PTPRD: variants seen among roughly 807,000 people sequenced by gnomAD.
PTPRD encodes receptor-type tyrosine-protein phosphatase delta.
Under a neutral mutation model 214.5 loss-of-function variants are expected in PTPRD, and 34 were observed. The ratio of observed to expected loss-of-function variants is 0.16; its 90% confidence interval spans 0.12 to 0.21. PTPRD has a LOEUF of 0.21. Ranked by LOEUF, PTPRD falls within the 10% of genes least tolerant of loss-of-function variation. The pLI is 1.00. For synonymous variants in PTPRD, 1,128 were observed against 845.7 expected (o/e 1.33, Z -5.79); for missense variants, 2,545 against 2,398.7 (o/e 1.06, Z -1.27).
intron 3 of PTPRD, among the ~76,000 whole-genome samples, chr9:10,210,438 T>C (rs2154340965): frequency 6.6e-6 from 1 of 152,084 alleles, no homozygotes; most frequent in East Asian, 1.9e-4. Flanking sequence ...TAAGGTAGCA[T>C]CTTGTAGACA....
intron 5 of PTPRD, among the ~76,000 whole-genome samples, chr9:9,890,271 C>T (rs2072776584): frequency 6.6e-6 from 1 of 151,972 alleles, no homozygotes; most frequent in African/African-American, 2.4e-5. Context: ...GATCCTGGCT[C>T]ACTGTAGCCT....
At chr9:10,214,861 C>T (rs1342494773) in intron 3 of PTPRD, among the ~76,000 whole-genome samples, 1 of 152,060 alleles carries the variant, frequency 6.6e-6, no homozygotes, top group Non-Finnish European at 1.5e-5. Context: ...GGTGCTCTCA[C>T]ATTGTACATG....
intron 8 of PTPRD, among the ~76,000 whole-genome samples, chr9:9,510,350 T>C (rs2096670851): frequency 6.6e-6 from 1 of 151,728 alleles, no homozygotes; most frequent in African/African-American, 2.4e-5. Flanking sequence ...CTTATTCTTT[T>C]AGTTTTTATC....
chr9:8,635,512 C>T (rs2096402027), intron 13 of PTPRD, among the ~76,000 whole-genome samples: 1 of 152,098 alleles, frequency 6.6e-6, no homozygotes, highest in African/African-American at 2.4e-5. Context: ...TTGTAAACTA[C>T]AACCCAATTT....
intron 5 of PTPRD, among the ~76,000 whole-genome samples, chr9:9,794,776 T>C (rs1431809350): frequency 1.3e-5 from 2 of 152,230 alleles, no homozygotes; most frequent in Non-Finnish European, 2.9e-5. Context: ...TAACTCAAAC[T>C]GAGTATCTCT....
At chr9:9,033,464 C>G (rs1461287540) in intron 10 of PTPRD, among the ~76,000 whole-genome samples, 2 of 152,170 alleles carry the variant, frequency 1.3e-5, no homozygotes, top group East Asian at 3.9e-4. Context: ...CCAGCTTTAT[C>G]AGAAGAACAT....
At chr9:9,960,786 C>T (rs1237267530) in intron 4 of PTPRD, among the ~76,000 whole-genome samples, 1 of 151,990 alleles carries the variant, frequency 6.6e-6, no homozygotes, top group Non-Finnish European at 1.5e-5. Flanking sequence ...AATGTAATAT[C>T]CATGAACATT....
chr9:10,165,544 C>G (rs1469948447), intron 3 of PTPRD, among the ~76,000 whole-genome samples: 1 of 151,536 alleles, frequency 6.6e-6, no homozygotes, highest in East Asian at 1.9e-4. Flanking sequence ...TTATATATGA[C>G]AATACGGCTA....
intron 10 of PTPRD, among the ~76,000 whole-genome samples, chr9:9,114,271 G>C (rs892126148): frequency 6.6e-6 from 1 of 152,124 alleles, no homozygotes; most frequent in Non-Finnish European, 1.5e-5. Context: ...GTTGAAACGA[G>C]GGCACTTATG....
intron 34 of PTPRD, chr9:8,437,105 A>G: frequency 2.3e-6 from 2 of 868,684 alleles, no homozygotes; most frequent in South Asian, 3.4e-5. Flanking sequence ...AAAGTGAAAT[A>G]AGAAAACAGA....
chr9:10,389,443 C>T (rs943139390), intron 2 of PTPRD, among the ~76,000 whole-genome samples: 5 of 151,872 alleles, frequency 3.3e-5, no homozygotes, highest in African/African-American at 1.2e-4. Flanking sequence ...AACATTTACA[C>T]TGGTCAATGC....
At chr9:8,702,780 TG>T (rs1412827426) in intron 12 of PTPRD, among the ~76,000 whole-genome samples, 1 of 152,174 alleles carries the variant, frequency 6.6e-6, no homozygotes, top group Non-Finnish European at 1.5e-5. Flanking sequence ...GCGAATTTTT[TG>T]TATTTTTAGT....
At chr9:8,753,431 C>A (rs1180238799) in intron 11 of PTPRD, among the ~76,000 whole-genome samples, 2 of 152,186 alleles carry the variant, frequency 1.3e-5, no homozygotes, top group Admixed American at 6.5e-5. Flanking sequence ...AGGGTTGATA[C>A]TTTAAAAGCA....
At chr9:9,358,074 A>C (rs769413971) in intron 9 of PTPRD, among the ~76,000 whole-genome samples, 4 of 151,300 alleles carry the variant, frequency 2.6e-5, no homozygotes, top group Non-Finnish European at 5.9e-5. Context: ...TTTTACAAGC[A>C]AGAAATTAAA....
At chr9:10,266,921 T>G (rs146522185) in intron 3 of PTPRD, among the ~76,000 whole-genome samples, 1 of 151,958 alleles carries the variant, frequency 6.6e-6, no homozygotes, top group Non-Finnish European at 1.5e-5. Flanking sequence ...TTGGGCATGG[T>G]GGCTCACATC....
chr9:10,122,837 C>G lies in PTPRD; in HGVS notation c.-544-89047G>C, dbSNP rs535628556. 4.1e-4 allele frequency among the ~76,000 whole-genome samples: 63 copies of G among 152,270 alleles called. 1 individual carries two copies. Among genetic ancestry groups the G allele is most frequent in the Non-Finnish European group, 7.4e-5 (5 of 68,022 alleles). On this transcript the variant is annotated intron_variant, in intron 3 of 45. Transcript: ENST00000381196. Reference sequence around the variant, plus strand: ...AACCATCACCTGGCAGCTGACTAACCACAGTGATTATACAGCAGTTGTAAA... The same window carrying G: ...AACCATCACCTGGCAGCTGACTAACGACAGTGATTATACAGCAGTTGTAAA...
rs886758278 is a variant in PTPRD at position 10,449,212 on chromosome 9, G to C, written c.-599-108195C>G. 2.0e-5 allele frequency among the ~76,000 whole-genome samples: 3 copies of C among 151,936 alleles called. No homozygotes were observed. The East Asian group carries it at 5.8e-4, about 29-fold the overall frequency. ...GTGCCGCCACGCCTGACTGGTTTTT[G>C]TATTTTTTGGTGGAGACGAGGTTTC... is the stretch of plus-strand genomic sequence containing the variant. On this transcript the variant is annotated intron_variant, in intron 2 of 45. Coordinates refer to ENST00000381196, the MANE Select transcript of PTPRD (RefSeq NM_002839.4).
intron 11 of PTPRD, among the ~76,000 whole-genome samples, chr9:9,008,638 T>A (rs1040163237): frequency 6.6e-6 from 1 of 152,146 alleles, no homozygotes; most frequent in Non-Finnish European, 1.5e-5. Context: ...TTGTTTTTGA[T>A]GCAAGAAAGG....
intron 4 of PTPRD, among the ~76,000 whole-genome samples, chr9:10,028,786 A>T (rs1474010180): frequency 6.6e-6 from 1 of 152,234 alleles, no homozygotes; most frequent in African/African-American, 2.4e-5. Context: ...AAAGCAAAGC[A>T]TAAAAGAAAA....
Sources: gnomAD v4.1 joint callset for allele counts (sites outside exome capture counted in the v4.1 genomes callset) on GRCh38, gnomAD v4.1.1 for gene constraint, MANE v1.5 for transcripts, NCBI Gene and HGNC (gene_info 2026-07-23, HGNC 2026-07-21) for gene names.